The following SLC9A9 variants were observed in gnomAD, a reference collection of about 807,000 sequenced individuals.
SLC9A9 encodes sodium/hydrogen exchanger 9.
In SLC9A9, 62 loss-of-function variants were observed where a neutral mutation model predicts 77.8. The observed-to-expected ratio is 0.80, with a 90% confidence interval of 0.65 to 0.98. The LOEUF is 0.98. Ranked by LOEUF, SLC9A9 falls within the 50% of genes least tolerant of loss-of-function variation. The pLI, the probability that SLC9A9 is intolerant of heterozygous loss-of-function variation, is 0.00. For synonymous variants in SLC9A9, 320 were observed against 283.5 expected (o/e 1.13, Z -1.29); for missense variants, 775 against 774.9 (o/e 1.00, Z 0.00).
At chr3:143,443,979 G>C (rs2034798535) in intron 12 of SLC9A9, among the ~76,000 whole-genome samples, 1 of 152,108 alleles carries the variant, frequency 6.6e-6, no homozygotes, top group South Asian at 2.1e-4. Context: ...GGGGTTTCCT[G>C]ACTGGATAAG....
chr3:143,508,591 TA>T (rs2036067046), intron 9 of SLC9A9, among the ~76,000 whole-genome samples: 1 of 152,230 alleles, frequency 6.6e-6, no homozygotes, highest in East Asian at 1.9e-4. Context: ...GAGATTCCTT[TA>T]AAAAACTTTC....
intron 2 of SLC9A9, among the ~76,000 whole-genome samples, chr3:143,814,736 A>G (rs1289086930): frequency 2.6e-5 from 4 of 152,188 alleles, no homozygotes; most frequent in African/African-American, 9.6e-5. Flanking sequence ...GGCTGAGAGA[A>G]TGGCTGGGGA....
intron 14 of SLC9A9, among the ~76,000 whole-genome samples, chr3:143,347,697 C>G (rs1247499510): frequency 6.6e-6 from 1 of 152,136 alleles, no homozygotes; most frequent in Non-Finnish European, 1.5e-5. Flanking sequence ...TGTCCCCTGC[C>G]CCCACTCATC....
chr3:143,406,348 A>G (rs541352064), intron 12 of SLC9A9, among the ~76,000 whole-genome samples: 5 of 152,130 alleles, frequency 3.3e-5, no homozygotes, highest in African/African-American at 9.6e-5. Flanking sequence ...TCTAAGATAC[A>G]TTATAGGATC....
intron 5 of SLC9A9, among the ~76,000 whole-genome samples, chr3:143,669,031 T>C (rs1354317046): frequency 6.6e-6 from 1 of 152,172 alleles, no homozygotes; most frequent in African/African-American, 2.4e-5. Context: ...TCTCCCATCC[T>C]AGGTACCTTT....
intron 12 of SLC9A9, among the ~76,000 whole-genome samples, chr3:143,431,916 C>G (rs544048642): frequency 2.0e-5 from 3 of 152,072 alleles, no homozygotes; most frequent in Non-Finnish European, 4.4e-5. Context: ...TAAGCTATTG[C>G]CACTGCTAAA....
chr3:143,337,077 T>C (rs1404673519), intron 14 of SLC9A9, among the ~76,000 whole-genome samples: 2 of 152,210 alleles, frequency 1.3e-5, no homozygotes, highest in Admixed American at 1.3e-4. Flanking sequence ...AGCTAATCTA[T>C]ATATTTTAAA....
intron 12 of SLC9A9, 195 bp from the exon 13 acceptor site, chr3:143,382,309 T>A (rs2033324446): frequency 4.7e-6 from 3 of 639,946 alleles, no homozygotes; most frequent in Non-Finnish European, 8.3e-6. Context: ...GGCCTCAGGA[T>A]GCTGGAGAAA....
chr3:143,557,910 A>G (rs184277541), intron 8 of SLC9A9, among the ~76,000 whole-genome samples: 33 of 152,394 alleles, frequency 2.2e-4, no homozygotes, highest in Admixed American at 7.8e-4. Context: ...AAAAATTTAC[A>G]TAAGTAATGA....
chr3:143,417,376 T>C (rs2034214117), intron 12 of SLC9A9, among the ~76,000 whole-genome samples: 1 of 151,900 alleles, frequency 6.6e-6, no homozygotes, highest in African/African-American at 2.4e-5. Flanking sequence ...ATAGAACTTT[T>C]AGGACACAGT....
intron 9 of SLC9A9, among the ~76,000 whole-genome samples, chr3:143,525,318 A>T (rs897071201): frequency 2.6e-5 from 4 of 152,218 alleles, no homozygotes; most frequent in African/African-American, 9.6e-5. Context: ...GTAAGCATTG[A>T]TTATATGCCA....
chr3:143,688,775 C>CCTATATAT, intron 5 of SLC9A9, among the ~76,000 whole-genome samples: 1 of 152,014 alleles, frequency 6.6e-6, no homozygotes, highest in Admixed American at 6.6e-5. Flanking sequence ...TTCTTTCAAT[C>CCTATATAT]AACCTCTCAT....
chr3:143,488,975 T>C (rs1317060963), intron 11 of SLC9A9, among the ~76,000 whole-genome samples: 5 of 151,922 alleles, frequency 3.3e-5, no homozygotes, highest in Non-Finnish European at 7.4e-5. Context: ...TATAATTTTA[T>C]ATGTAGAATT....
chr3:143,473,126 G>C (rs1334310104), intron 11 of SLC9A9, among the ~76,000 whole-genome samples: 1 of 152,032 alleles, frequency 6.6e-6, no homozygotes, highest in Non-Finnish European at 1.5e-5. Context: ...AGGTATATGA[G>C]AGCCCAGCTC....
intron 12 of SLC9A9, among the ~76,000 whole-genome samples, chr3:143,418,160 G>A (rs2034231477): frequency 6.6e-6 from 1 of 150,924 alleles, no homozygotes; most frequent in African/African-American, 2.4e-5. Context: ...ATCTGGTCCA[G>A]AGATTGAATT....
At chr3:143,672,634 T>C (rs2039177002) in intron 5 of SLC9A9, among the ~76,000 whole-genome samples, 1 of 152,232 alleles carries the variant, frequency 6.6e-6, no homozygotes, top group Non-Finnish European at 1.5e-5. Context: ...CTTTTAATTA[T>C]AGGTTCTTGG....
Position 143,736,434 on chromosome 3 carries a change from G to C in SLC9A9, c.534-43127C>G, listed in dbSNP as rs571719144. ...CGGCTACATAGCAGTCACTATTTTA[G>C]GGATTTGGATTCACAGATGAACAAG... On this transcript the variant is annotated intron_variant, in intron 4 of 15. Coordinates refer to ENST00000316549, the MANE Select transcript of SLC9A9 (RefSeq NM_173653.4). Among the ~76,000 whole-genome samples the C allele has an allele frequency of 3.3e-5, 5 of 152,220 alleles. 1 individual carries two copies. The highest frequency in any genetic ancestry group is 1.2e-4 in the African/African-American group (5 of 41,524).
chr3:143,430,623 G>A (rs978228910), intron 12 of SLC9A9, among the ~76,000 whole-genome samples: 2 of 152,194 alleles, frequency 1.3e-5, no homozygotes, highest in South Asian at 2.1e-4. Context: ...AGATCTGAGA[G>A]GGGGAGGCCA....
At chr3:143,709,763 A>G (rs1934090386) in intron 4 of SLC9A9, among the ~76,000 whole-genome samples, 1 of 152,188 alleles carries the variant, frequency 6.6e-6, no homozygotes, top group African/African-American at 2.4e-5. Flanking sequence ...TCCTGACTCC[A>G]ATTTGAAGCT....
Sources: allele counts gnomAD v4.1 joint callset (sites outside exome capture counted in the v4.1 genomes callset), GRCh38; gene constraint gnomAD v4.1.1; transcripts MANE v1.5; gene names NCBI Gene and HGNC (gene_info 2026-07-23, HGNC 2026-07-21).